DIAPH1: variants seen among roughly 807,000 people sequenced by gnomAD.
DIAPH1 encodes the protein diaphanous related formin 1, also known as protein diaphanous homolog 1.
In DIAPH1, 46 loss-of-function variants were observed where a neutral mutation model predicts 140.7. The observed-to-expected ratio is 0.33, with a 90% CI of 0.26 to 0.42. DIAPH1 has a LOEUF of 0.42. DIAPH1 is among the 10% of genes least tolerant of loss of function. The pLI, the probability that DIAPH1 is intolerant of heterozygous loss-of-function variation, is 1.00. For missense variants in DIAPH1, 1,310 were observed against 1,558.7 expected, an observed-to-expected ratio of 0.84 and a Z score of 2.69; for synonymous variants, 565 against 551.6, an observed-to-expected ratio of 1.02 and a Z score of -0.34.
Position 141,576,842 on chromosome 5 carries a change from C to T in DIAPH1, c.1310G>A (p.Cys437Tyr), listed in dbSNP as rs2099896035. Residue 437 changes from cysteine (C) to tyrosine (Y), a missense_variant, in exon 13 of 28, where the codon TGT (cysteine) becomes TAT (tyrosine). Cys to Tyr is a radical substitution (Grantham distance 194, BLOSUM62 -2). Around this residue, in one of 3 missense-constraint regions of DIAPH1, gnomAD observed 589 missense variants for 549.3 expected, o/e 1.07. Transcript: ENST00000389054. Reference sequence around the variant, plus strand: ...CTTGTGCAGAACTATCTGGGAAATACATTCTTCAATCAACTTATAGTACTG... The same window carrying T: ...CTTGTGCAGAACTATCTGGGAAATATATTCTTCAATCAACTTATAGTACTG... ...RPQYYKLIEE[C>Y]ISQIVLHKNG... The T allele has an allele frequency of 1.2e-6, 2 of 1,613,152 alleles. No homozygotes were observed. Among genetic ancestry groups the T allele is most frequent in the Middle Eastern group, 1.7e-4 (1 of 6,060 alleles).
At chr5:141,578,428 T>C (rs2154596442) in intron 10 of DIAPH1, 85 bp from the exon 11 acceptor site, 1 of 1,547,624 alleles carries the variant, frequency 6.5e-7, no homozygotes, top group Non-Finnish European at 8.9e-7. Context: ...GGTTTTTAAT[T>C]GAAAACCAGA....
chr5:141,576,336 T>G, intron 13 of DIAPH1, 42 bp from the exon 14 acceptor site: 10 of 1,469,630 alleles, frequency 6.8e-6, no homozygotes, highest in South Asian at 1.1e-5. Flanking sequence ...CCTAATTCTC[T>G]TGTTCTATTT....
intron 18 of DIAPH1, among the ~76,000 whole-genome samples, chr5:141,551,667 A>G (rs2099891707): frequency 6.6e-6 from 1 of 152,204 alleles, no homozygotes; most frequent in Admixed American, 6.5e-5. Context: ...TAAAAAAATC[A>G]AAAGAAAAAA....
rs1390923495 is a variant in DIAPH1, at chr5:141,567,073, G to A, written c.2482+4355C>T. ...TTTCAGGAGCTTAGGTGGGATGGGA[G>A]GAGACAGAATAGGAACCACACAGAA... On this transcript the variant is annotated intron_variant, in intron 18 of 27. Coordinates refer to ENST00000389054, the MANE Select transcript of DIAPH1 (RefSeq NM_005219.5). Among the ~76,000 whole-genome samples, 31 of 152,160 alleles carry A rather than the reference G, an allele frequency of 2.0e-4. 2 individuals are homozygous for A. The highest frequency in any genetic ancestry group is 2.0e-3 in the Admixed American group (31 of 15,278).
rs187622200 is a variant in DIAPH1 at position 141,610,947 on chromosome 5, G to C, written c.117+7851C>G. ...AAAAGAAAAAGAAAAAAATCAGCCA[G>C]GCATTGTGGTGCATGCCGGTAGTCC... On this transcript the variant is annotated intron_variant, in intron 1 of 27. Transcript: ENST00000389054. 5.5e-4 allele frequency among the ~76,000 whole-genome samples: 84 copies of C among 151,854 alleles called. 1 individual carries two copies. The highest frequency in any genetic ancestry group is 1.5e-3 in the African/African-American group (63 of 41,418).
chr5:141,545,276 A>G (rs2099890613), intron 18 of DIAPH1, among the ~76,000 whole-genome samples: 2 of 152,208 alleles, frequency 1.3e-5, no homozygotes, highest in Non-Finnish European at 2.9e-5. Context: ...TTTACTATAT[A>G]TAAATTATAT....
chr5:141,575,301 G>A (rs1238611157), intron 14 of DIAPH1, among the ~76,000 whole-genome samples, 155 bp from the exon 15 acceptor site: 1 of 152,152 alleles, frequency 6.6e-6, no homozygotes, highest in Non-Finnish European at 1.5e-5. Context: ...GATTTACAGA[G>A]CTCATAAATC....
rs1020133845 is a variant in DIAPH1 at position 141,618,978 on chromosome 5, C to T, written c.-64G>A. 3.2e-5 allele frequency: 29 copies of T among 894,082 alleles called. No homozygotes were observed. The African/African-American group carries it at 4.7e-4, about 14-fold the overall frequency. The allele number at this position is 894,082 out of a possible 1,614,324, so 55.4% of individuals were successfully genotyped here. A position where few individuals can be genotyped will look rare whatever the true frequency, so the allele number is the denominator to read the frequency against. ...CGCTCCCGCCTGGCAGCTCCGCGCC[C>T]GCCGCCGCCCAGTCGCTCTTTAGCC... On this transcript the variant is annotated 5_prime_UTR_variant, in exon 1 of 28. Coordinates refer to ENST00000389054, the MANE Select transcript of DIAPH1 (RefSeq NM_005219.5).
At position 141,572,809 on chromosome 5, in the gene DIAPH1, G is replaced by A. The variant is rs138997833; in HGVS notation, c.2358+683C>T. Reference sequence around the variant, plus strand: ...ATGGCCTGTGTAACTCACATCCTGCGGAATTGGGATAGGAGAGTGGATTCA... The same window carrying A: ...ATGGCCTGTGTAACTCACATCCTGCAGAATTGGGATAGGAGAGTGGATTCA... On this transcript the variant is annotated intron_variant, in intron 16 of 27. Coordinates refer to ENST00000389054, the MANE Select transcript of DIAPH1 (RefSeq NM_005219.5). Among the ~76,000 whole-genome samples, 219 of 152,018 alleles carry A rather than the reference G, an allele frequency of 1.4e-3. 1 individual carries two copies. The highest frequency in any genetic ancestry group is 4.9e-3 in the African/African-American group (204 of 41,472).
At chr5:141,518,531 T>C in intron 27 of DIAPH1, 1 of 3,764 alleles carries the variant, frequency 2.7e-4, no homozygotes, top group South Asian at 4.8e-3. Context: ...TAGCCCGTCT[T>C]TTTTTTTTTT....
intron 19 of DIAPH1, among the ~76,000 whole-genome samples, chr5:141,531,143 C>T (rs1402513338): frequency 6.6e-6 from 1 of 152,176 alleles, no homozygotes; most frequent in Non-Finnish European, 1.5e-5. Context: ...AAGACACCAA[C>T]CTGCTACCTC....
At chr5:141,584,005 T>A (rs778983906) in intron 4 of DIAPH1, 119 bp downstream of exon 4, 15 of 701,820 alleles carry the variant, frequency 2.1e-5, no homozygotes, top group African/African-American at 5.4e-5. Context: ...CAGGCTTATA[T>A]AATGGAATGA....
chr5:141,597,841 A>G (rs892006588), intron 1 of DIAPH1, among the ~76,000 whole-genome samples: 1 of 152,162 alleles, frequency 6.6e-6, no homozygotes, highest in African/African-American at 2.4e-5. Context: ...TGTCAAGGAT[A>G]CTCATTCCCA....
At chr5:141,532,535 G>T (rs2099888387) in intron 19 of DIAPH1, among the ~76,000 whole-genome samples, 1 of 152,062 alleles carries the variant, frequency 6.6e-6, no homozygotes, top group African/African-American at 2.4e-5. Flanking sequence ...TCTGGGATTT[G>T]CCCCTCCAAC....
chr5:141,576,880 G>C lies in DIAPH1; in HGVS notation c.1281-9C>G. On this transcript the variant is annotated splice_polypyrimidine_tract_variant and intron_variant, in intron 12 of 27. Coordinates refer to ENST00000389054, the MANE Select transcript of DIAPH1 (RefSeq NM_005219.5). Reference sequence around the variant, plus strand: ...ACTTATAGTACTGAGGTCTACAAGAGAATAAAAACAGGGTCATCAAAGGAA... The same window carrying C: ...ACTTATAGTACTGAGGTCTACAAGACAATAAAAACAGGGTCATCAAAGGAA... The C allele has an allele frequency of 6.7e-7, 1 of 1,481,886 alleles. No individual in the cohort carries two copies. Among genetic ancestry groups the C allele is most frequent in the Non-Finnish European group, 9.4e-7 (1 of 1,059,354 alleles). The allele number at this position is 1,481,886 out of a possible 1,614,324, so 91.8% of individuals were successfully genotyped here. A position where few individuals can be genotyped will look rare whatever the true frequency, so the allele number is the denominator to read the frequency against.
Position 141,599,835 on chromosome 5 carries a change from T to C in DIAPH1, c.118-11585A>G, listed in dbSNP as rs115974969. Among the ~76,000 whole-genome samples, 324 of 152,362 alleles carry C rather than the reference T, an allele frequency of 2.1e-3. 2 individuals carry two copies. Among genetic ancestry groups the C allele is most frequent in the African/African-American group, 7.5e-3 (313 of 41,592 alleles). On this transcript the variant is annotated intron_variant, in intron 1 of 27. Coordinates refer to ENST00000389054, the MANE Select transcript of DIAPH1 (RefSeq NM_005219.5). ...GGACTGTGAATATGATAGGATATCA[T>C]TCCTGTGATTAGATTACATTTTAGG...
intron 18 of DIAPH1, among the ~76,000 whole-genome samples, chr5:141,555,455 C>T (rs2099892415): frequency 6.6e-6 from 1 of 152,196 alleles, no homozygotes; most frequent in Non-Finnish European, 1.5e-5. Flanking sequence ...CATTTGCTGC[C>T]TTCCCAGCCT....
intron 1 of DIAPH1, among the ~76,000 whole-genome samples, chr5:141,613,503 T>C (rs1256984098): frequency 6.6e-6 from 1 of 152,220 alleles, no homozygotes; most frequent in Non-Finnish European, 1.5e-5. Flanking sequence ...AGCCCCCTGA[T>C]GTTTCCAACC....
chr5:141,524,459 G>T, intron 26 of DIAPH1: 3 of 571,788 alleles, frequency 5.2e-6, no homozygotes, highest in Non-Finnish European at 9.5e-6. Context: ...ATCCAATGCA[G>T]ACCTTGGGAT....
Sources: gnomAD v4.1 joint callset for allele counts (sites outside exome capture counted in the v4.1 genomes callset) on GRCh38, gnomAD v4.1.1 for gene constraint, gnomAD v4.1.1 regional missense constraint, MANE v1.5 for transcripts, NCBI Gene and HGNC (gene_info 2026-07-23, HGNC 2026-07-21) for gene names.